Variants in CLIP2 observed in about 807,000 individuals in gnomAD.
CLIP2 encodes CAP-Gly domain-containing linker protein 2.
Under a neutral mutation model 111.7 loss-of-function variants are expected in CLIP2, and 41 were observed. The observed-to-expected ratio is 0.37, with a 90% CI of 0.29 to 0.48. The LOEUF (loss-of-function observed/expected upper bound fraction) is 0.48. Among genes scored for constraint, CLIP2 ranks in the 20% least tolerant of loss-of-function variants. The pLI is 0.99. For synonymous variants in CLIP2, 660 were observed against 644.2 expected, an observed-to-expected ratio of 1.02 and a Z score of -0.37; for missense variants, 1,160 against 1,422.1, an observed-to-expected ratio of 0.82 and a Z score of 2.96.
At chr7:74,346,798 C>T (rs1020728983) in intron 3 of CLIP2, among the ~76,000 whole-genome samples, 2 of 150,222 alleles carry the variant, frequency 1.3e-5, no homozygotes, top group African/African-American at 4.9e-5. Flanking sequence ...CTTTGGGAAG[C>T]TGAGGTGGGA....
intron 14 of CLIP2, among the ~76,000 whole-genome samples, chr7:74,397,482 G>C (rs1204155645): frequency 1.3e-5 from 2 of 151,976 alleles, no homozygotes; most frequent in African/African-American, 4.8e-5. Context: ...CTTCCTATCT[G>C]ACCTGTCCAG....
intron 1 of CLIP2, among the ~76,000 whole-genome samples, chr7:74,293,902 G>A (rs1412062970): frequency 6.6e-6 from 1 of 152,116 alleles, no homozygotes; most frequent in African/African-American, 2.4e-5. Flanking sequence ...CCGGCAGCGT[G>A]GGACTCGGGC....
intron 1 of CLIP2, among the ~76,000 whole-genome samples, chr7:74,313,826 A>G (rs1424335874): frequency 2.0e-5 from 3 of 152,150 alleles, no homozygotes; most frequent in Admixed American, 6.6e-5. Context: ...CCAGGCCTGC[A>G]TTATGCATCC....
chr7:74,325,274 A>AG (rs1554730541), intron 2 of CLIP2, among the ~76,000 whole-genome samples: 1 of 152,098 alleles, frequency 6.6e-6, no homozygotes, highest in Admixed American at 6.6e-5. Context: ...GAGGTGGTGC[A>AG]GGGCTACAAG....
chr7:74,324,260 G>C (rs1554730407), intron 2 of CLIP2, among the ~76,000 whole-genome samples: 1 of 152,176 alleles, frequency 6.6e-6, no homozygotes. Flanking sequence ...CCAAAGTGCC[G>C]GGATTCCAGG....
intron 12 of CLIP2, among the ~76,000 whole-genome samples, chr7:74,388,497 CAA>C (rs879977310): frequency 4.7e-5 from 6 of 128,192 alleles, no homozygotes; most frequent in Admixed American, 3.2e-4. Context: ...GACTCCGTCT[CAA>C]AAAAAAAAAA....
At chr7:74,372,823 C>G in intron 8 of CLIP2, 109 bp from the exon 9 acceptor site, 6 of 508,578 alleles carry the variant, frequency 1.2e-5, no homozygotes, top group East Asian at 4.7e-5. Context: ...GATGACGCCT[C>G]CTCTCTCTCT....
At position 74,338,010 on chromosome 7, in the gene CLIP2, C is replaced by T. The variant is rs997310546; in HGVS notation, c.122-438C>T. 1.3e-5 allele frequency among the ~76,000 whole-genome samples: 2 copies of T among 152,172 alleles called. No individual in the cohort carries two copies. Among genetic ancestry groups the T allele is most frequent in the African/African-American group, 4.8e-5 (2 of 41,530 alleles). Reference sequence around the variant, plus strand: ...ACCACACAGCCAACCATTCCTGCCTCGGTTTCCATGGCAAGACCATGTCTC... The same window carrying T: ...ACCACACAGCCAACCATTCCTGCCTTGGTTTCCATGGCAAGACCATGTCTC... On this transcript the variant is annotated intron_variant, in intron 2 of 16. Coordinates refer to ENST00000223398, the MANE Select transcript of CLIP2 (RefSeq NM_003388.5). The surrounding 1 kb of genome is among the most constrained non-coding windows in gnomAD (Gnocchi z 4.3).
intron 1 of CLIP2, among the ~76,000 whole-genome samples, chr7:74,290,590 C>T (rs1455892212): frequency 2.0e-5 from 3 of 152,174 alleles, no homozygotes; most frequent in African/African-American, 7.2e-5. Context: ...CAGTGTGTCC[C>T]CCAACGTCTG....
At chr7:74,331,317 A>G (rs368173079) in intron 2 of CLIP2, among the ~76,000 whole-genome samples, 151 of 150,080 alleles carry the variant, frequency 1.0e-3, no homozygotes, top group African/African-American at 3.6e-3. Context: ...AGACTGGGGG[A>G]AGGATGAGCC....
chr7:74,300,234 G>A (rs1242167562), intron 1 of CLIP2, among the ~76,000 whole-genome samples: 1 of 151,816 alleles, frequency 6.6e-6, no homozygotes, highest in African/African-American at 2.4e-5. Flanking sequence ...TGATTCACCC[G>A]CCTTGGCCTC....
chr7:74,351,479 G>A (rs1004840614), intron 3 of CLIP2, among the ~76,000 whole-genome samples: 22 of 148,192 alleles, frequency 1.5e-4, no homozygotes, highest in Admixed American at 8.1e-4. Context: ...TAGAAAGCTC[G>A]AAAATTTACC....
At position 74,376,458 on chromosome 7, in the gene CLIP2, G is replaced by A. The variant is rs373094094; in HGVS notation, c.2057G>A (p.Arg686Gln). Residue 686 changes from arginine to glutamine, a missense_variant, in exon 10 of 17, where the codon CGA (arginine) becomes CAA (glutamine). Coordinates refer to ENST00000223398, the MANE Select transcript of CLIP2 (RefSeq NM_003388.5). This position sits in a 1 kb window ranked among gnomAD's most constrained non-coding sequence, Gnocchi z 7.1. ...CACGTGAAGGAGAAGGAGGCCCTGCGAGAGAAGCTGCAGGAGGCCCAGGAG... is the reference window on the plus strand; with the variant it reads ...CACGTGAAGGAGAAGGAGGCCCTGCAAGAGAAGCTGCAGGAGGCCCAGGAG... ...AMHVKEKEAL[R>Q]EKLQEAQEEL... is the part of the protein sequence containing the mutation. 3.1e-6 allele frequency: 5 copies of A among 1,613,766 alleles called. No individual in the cohort carries two copies. The highest frequency in any genetic ancestry group is 1.7e-5 in the Admixed American group (1 of 59,988).
intron 2 of CLIP2, among the ~76,000 whole-genome samples, chr7:74,323,766 C>T (rs1789033674): frequency 6.6e-6 from 1 of 152,146 alleles, no homozygotes; most frequent in Non-Finnish European, 1.5e-5. Context: ...AAACACTTCC[C>T]CTCGTGTTAC....
chr7:74,353,451 A>G (rs928228821), intron 3 of CLIP2, among the ~76,000 whole-genome samples: 5 of 152,054 alleles, frequency 3.3e-5, no homozygotes, highest in Non-Finnish European at 7.4e-5. Context: ...GAGTTTCACC[A>G]TGTTGGGCAG....
intron 14 of CLIP2, 48 bp from the exon 15 acceptor site, chr7:74,400,322 C>A: frequency 6.2e-6 from 9 of 1,461,250 alleles, no homozygotes; most frequent in Non-Finnish European, 7.4e-6. Flanking sequence ...CGCCCACCAA[C>A]ACACACACGC....
Position 74,347,406 on chromosome 7 carries a change from C to A in CLIP2, c.679-6474C>A, listed in dbSNP as rs1554306545. On this transcript the variant is annotated intron_variant, in intron 3 of 16. Transcript: ENST00000223398. ...GCCTCAGCCTCCCGGGTAGCTGGGACTACAGGTGCCCGCCACCACGCCTGG... is the reference window on the plus strand; with the variant it reads ...GCCTCAGCCTCCCGGGTAGCTGGGAATACAGGTGCCCGCCACCACGCCTGG... Among the ~76,000 whole-genome samples, 3 of 152,108 alleles carry A rather than the reference C, an allele frequency of 2.0e-5. No individual in the cohort carries two copies. The South Asian group carries it at 6.2e-4, about 32-fold the overall frequency.
chr7:74,372,334 G>A (rs576142832), intron 8 of CLIP2, among the ~76,000 whole-genome samples: 5 of 149,728 alleles, frequency 3.3e-5, no homozygotes, highest in East Asian at 4.0e-4. Context: ...CAAGAGGATC[G>A]TGAGGGGTCG....
At chr7:74,309,826 C>CAAAAA (rs34735020) in intron 1 of CLIP2, among the ~76,000 whole-genome samples, 1 of 128,102 alleles carries the variant, frequency 7.8e-6, no homozygotes. Context: ...GACTCCATCT[C>CAAAAA]AAAAAAAAAA....
Sources: gnomAD v4.1 joint callset for allele counts (sites outside exome capture counted in the v4.1 genomes callset) on GRCh38, gnomAD v4.1.1 for gene constraint, Gnocchi (gnomAD v3.1) non-coding constraint, MANE v1.5 for transcripts, NCBI Gene and HGNC (gene_info 2026-07-23, HGNC 2026-07-21) for gene names.